TAFA2: variants seen among roughly 807,000 people sequenced by gnomAD.
The protein encoded by TAFA2 is chemokine-like protein TAFA-2.
In TAFA2, 7 loss-of-function variants were observed where a neutral mutation model predicts 18.8. The ratio of observed to expected loss-of-function variants is 0.37; its 90% CI spans 0.21 to 0.70. TAFA2 has a LOEUF of 0.70. TAFA2 is among the 30% of genes least tolerant of loss of function. The pLI is 0.53. For missense variants in TAFA2, 122 were observed against 158.1 expected (o/e 0.77, Z 1.23); for synonymous variants, 60 against 54.2 (o/e 1.11, Z -0.47).
At position 61,755,027 on chromosome 12, in the gene TAFA2, G is replaced by A; in HGVS notation, c.107-3C>T. 1.2e-6 allele frequency: 2 copies of A among 1,611,424 alleles called. No homozygotes were observed. Among genetic ancestry groups the A allele is most frequent in the Non-Finnish European group, 1.7e-6 (2 of 1,178,792 alleles). On this transcript the variant is annotated splice_region_variant and splice_polypyrimidine_tract_variant and intron_variant, in intron 2 of 4. Transcript: ENST00000416284. ...AGTTCCCGTTTTAACATGGTGAGCT[G>A]CACAAACAAAAAAGATAAGACAACA...
intron 1 of TAFA2, among the ~76,000 whole-genome samples, chr12:61,877,654 A>G (rs1874913365): frequency 6.6e-6 from 1 of 152,110 alleles, no homozygotes; most frequent in South Asian, 2.1e-4. Flanking sequence ...CTCAATTTGT[A>G]TCCCATTACT....
At chr12:62,217,374 G>C (rs1413759901) in intron 1 of TAFA2, among the ~76,000 whole-genome samples, 1 of 152,096 alleles carries the variant, frequency 6.6e-6, no homozygotes, top group African/African-American at 2.4e-5. Flanking sequence ...CTGAAGTAAG[G>C]AGTTACACAC....
chr12:62,056,995 G>T (rs1412953645), intron 1 of TAFA2, among the ~76,000 whole-genome samples: 1 of 152,184 alleles, frequency 6.6e-6, no homozygotes, highest in East Asian at 1.9e-4. Context: ...TCTAAGTTTG[G>T]TGTCAAGAGT....
intron 1 of TAFA2, among the ~76,000 whole-genome samples, chr12:62,239,433 T>C (rs1016477067): frequency 3.9e-5 from 6 of 152,206 alleles, no homozygotes; most frequent in African/African-American, 1.4e-4. Flanking sequence ...AACATTATAA[T>C]ACAAATCTCA....
intron 1 of TAFA2, among the ~76,000 whole-genome samples, chr12:62,165,734 T>C (rs1227146123): frequency 6.6e-6 from 1 of 152,066 alleles, no homozygotes; most frequent in Non-Finnish European, 1.5e-5. Flanking sequence ...CCATTTCCAC[T>C]GACATCACAT....
chr12:61,957,024 G>T (rs1442657766), intron 1 of TAFA2, among the ~76,000 whole-genome samples: 1 of 152,276 alleles, frequency 6.6e-6, no homozygotes, highest in South Asian at 2.1e-4. Flanking sequence ...TACAAAATAT[G>T]TAGGTAGAAA....
intron 1 of TAFA2, among the ~76,000 whole-genome samples, chr12:62,154,090 A>T (rs1374584782): frequency 2.0e-5 from 3 of 152,034 alleles, no homozygotes; most frequent in African/African-American, 4.8e-5. Flanking sequence ...TAAATAATGT[A>T]TTTTATTATT....
At chr12:61,757,409 GA>G (rs1337644820) in intron 2 of TAFA2, among the ~76,000 whole-genome samples, 1 of 152,032 alleles carries the variant, frequency 6.6e-6, no homozygotes, top group African/African-American at 2.4e-5. Flanking sequence ...TCAGAAGATG[GA>G]TGAGGTTAGT....
intron 1 of TAFA2, among the ~76,000 whole-genome samples, chr12:61,916,640 T>G (rs1876833643): frequency 6.6e-6 from 1 of 152,230 alleles, no homozygotes; most frequent in African/African-American, 2.4e-5. Context: ...TTTTCATGTT[T>G]GATTTCTTGG....
chr12:61,803,699 T>C (rs1871489765), intron 2 of TAFA2, among the ~76,000 whole-genome samples: 1 of 151,926 alleles, frequency 6.6e-6, no homozygotes, highest in Non-Finnish European at 1.5e-5. Flanking sequence ...TTAATATTTT[T>C]ATTATTTTCT....
intron 1 of TAFA2, among the ~76,000 whole-genome samples, chr12:62,084,553 G>A (rs1210529879): frequency 6.6e-6 from 1 of 152,104 alleles, no homozygotes; most frequent in African/African-American, 2.4e-5. Flanking sequence ...CTCCCCAAAA[G>A]GAGAGAAAAA....
At chr12:61,727,105 T>G (rs1275632086) in intron 4 of TAFA2, among the ~76,000 whole-genome samples, 3 of 152,126 alleles carry the variant, frequency 2.0e-5, no homozygotes. Context: ...ATTATCTTAC[T>G]GATAAGCTGT....
intron 1 of TAFA2, among the ~76,000 whole-genome samples, chr12:62,059,155 G>GTGTGTC (rs1421438890): frequency 6.6e-6 from 1 of 150,676 alleles, no homozygotes; most frequent in African/African-American, 2.4e-5. Context: ...GTGTGTGTGT[G>GTGTGTC]TGTGTGTGTG....
At chr12:62,062,384 G>A (rs1010101191) in intron 1 of TAFA2, among the ~76,000 whole-genome samples, 1 of 152,158 alleles carries the variant, frequency 6.6e-6, no homozygotes, top group Admixed American at 6.5e-5. Context: ...ACTGGAATAG[G>A]AGATGTGGTT....
At chr12:62,044,253 A>C (rs1881848670) in intron 1 of TAFA2, among the ~76,000 whole-genome samples, 1 of 152,104 alleles carries the variant, frequency 6.6e-6, no homozygotes, top group Non-Finnish European at 1.5e-5. Context: ...TTTTAGTTCA[A>C]GTTCTTAATA....
At chr12:62,170,799 C>A (rs2062472436) in intron 1 of TAFA2, among the ~76,000 whole-genome samples, 1 of 152,136 alleles carries the variant, frequency 6.6e-6, no homozygotes, top group Admixed American at 6.6e-5. Context: ...TCCTTTCTAG[C>A]CTCCAATGTC....
chr12:62,007,588 C>T (rs1397383096), intron 1 of TAFA2, among the ~76,000 whole-genome samples: 1 of 152,148 alleles, frequency 6.6e-6, no homozygotes, highest in Non-Finnish European at 1.5e-5. Flanking sequence ...CTAATGACTT[C>T]CAGGGCCCCA....
At chr12:61,842,129 G>T (rs1349378632) in intron 2 of TAFA2, among the ~76,000 whole-genome samples, 1 of 151,698 alleles carries the variant, frequency 6.6e-6, no homozygotes, top group African/African-American at 2.4e-5. Flanking sequence ...ATAGAAAACA[G>T]CCACGTTTAA....
At chr12:62,246,002 T>A (rs529547222) in intron 1 of TAFA2, among the ~76,000 whole-genome samples, 121 of 151,230 alleles carry the variant, frequency 8.0e-4, no homozygotes, top group African/African-American at 2.7e-3. Context: ...TTTTTTTTTT[T>A]TTGAGACGGA....
Sources: gnomAD v4.1 joint callset for allele counts (sites outside exome capture counted in the v4.1 genomes callset) on GRCh38, gnomAD v4.1.1 for gene constraint, MANE v1.5 for transcripts, NCBI Gene and HGNC (gene_info 2026-07-23, HGNC 2026-07-21) for gene names.